Variants in RASSF2 observed in about 807,000 individuals in gnomAD.
The protein encoded by RASSF2 is Ras association domain family member 2.
Under a neutral mutation model 46.3 loss-of-function variants are expected in RASSF2, and 34 were observed. The observed-to-expected ratio is 0.73, with a 90% confidence interval of 0.56 to 0.98. RASSF2 has a LOEUF of 0.98. RASSF2 is among the 50% of genes least tolerant of loss of function. RASSF2 has a pLI of 0.00. For synonymous variants in RASSF2, 158 were observed against 162.5 expected (o/e 0.97, Z 0.21); for missense variants, 364 against 431.2 (o/e 0.84, Z 1.38).
In RASSF2 at chr20:4,789,697, T is replaced by A; in HGVS notation, c.538A>T (p.Thr180Ser). Reference protein sequence around the residue: ...SINGHFYNHKTSVFTPAYGSV... With the variant: ...SINGHFYNHKSSVFTPAYGSV... ...CCATAGGCTGGTGTGAACACGGATG[T>A]CTGTCAATAGAAGGGCCCAGCTCAG... The change falls in exon 8 of 12, where the codon ACA becomes TCA. Residue 180 changes from threonine to serine, a missense_variant and splice_region_variant. Physicochemically the swap from Thr to Ser is moderately conservative, Grantham distance 58. Transcript: ENST00000379400. 6.2e-7 allele frequency: 1 copy of A among 1,613,662 alleles called. No individual in the cohort carries two copies. The highest frequency in any genetic ancestry group is 2.2e-5 in the East Asian group (1 of 44,886).
intron 2 of RASSF2, among the ~76,000 whole-genome samples, chr20:4,803,383 A>C (rs1927056640): frequency 6.6e-6 from 1 of 152,108 alleles, no homozygotes; most frequent in Non-Finnish European, 1.5e-5. Context: ...CCAGAAAAGA[A>C]CACATCCCTG....
rs370683780 is a variant in RASSF2, at chr20:4,795,681, G to A, written c.287+134C>T. 4 of 1,088,508 alleles carry A rather than the reference G, an allele frequency of 3.7e-6. No homozygotes were observed. Among genetic ancestry groups the A allele is most frequent in the Non-Finnish European group, 3.9e-6 (3 of 771,820 alleles). The allele number at this position is 1,088,508 out of a possible 1,614,324, so 67.4% of individuals were successfully genotyped here. A position where few individuals can be genotyped will look rare whatever the true frequency, so the allele number is the denominator to read the frequency against. ...TGTTCCTCATTCCAAGGCTAAGGCA[G>A]GTGGGCAGTAGAGGTAGTAGGAGGA... On this transcript the variant is annotated intron_variant, in intron 5 of 11. Transcript: ENST00000379400. This position sits in a 1 kb window ranked among gnomAD's most constrained non-coding sequence, Gnocchi z 4.0.
At chr20:4,810,549 A>G (rs959327288) in intron 2 of RASSF2, among the ~76,000 whole-genome samples, 5 of 152,144 alleles carry the variant, frequency 3.3e-5, no homozygotes, top group Non-Finnish European at 5.9e-5. Flanking sequence ...GGCTCGCCCT[A>G]CGTGGTTTCA....
At chr20:4,797,176 CA>C (rs1926421614) in intron 4 of RASSF2, among the ~76,000 whole-genome samples, 1 of 152,232 alleles carries the variant, frequency 6.6e-6, no homozygotes, top group East Asian at 1.9e-4. Context: ...TTCCTTTACA[CA>C]ATTGTAGGTC....
In RASSF2 at chr20:4,780,529, CTT is replaced by C. The variant is rs1035064166; in HGVS notation, c.*3742_*3743del. 8 of 152,344 alleles carry C rather than the reference CTT, an allele frequency of 5.3e-5. No individual in the cohort carries two copies. The highest frequency in any genetic ancestry group is 1.9e-4 in the African/African-American group (8 of 41,574). The allele number at this position is 152,344 out of a possible 1,614,324, so 9.4% of individuals were successfully genotyped here. ...CTCATCTCATCTGAGCGAAGCAAGA[CTT>C]TGTGCAAAACGATTTAAGTGGAAAC... On this transcript the variant is annotated 3_prime_UTR_variant, in exon 12 of 12. Coordinates refer to ENST00000379400, the MANE Select transcript of RASSF2 (RefSeq NM_014737.3).
In RASSF2 at chr20:4,787,700, C is replaced by A; in HGVS notation, c.746G>T (p.Gly249Val). ...DYPLIARILQ[G>V]PCEQISKVFL... ...CACTTTGGAGATCTGCTCACATGGG[C>A]CCTGGAGGATTCGGGCAATCAGCGG... Residue 249 changes from glycine (G) to valine (V), a missense_variant, in exon 10 of 12, where the codon GGC becomes GTC. Gly to Val is a moderately radical substitution (Grantham distance 109). Coordinates refer to ENST00000379400, the MANE Select transcript of RASSF2 (RefSeq NM_014737.3). 1 of 1,614,136 alleles carries A rather than the reference C, an allele frequency of 6.2e-7. No homozygotes were observed. The highest frequency in any genetic ancestry group is 8.5e-7 in the Non-Finnish European group (1 of 1,180,028).
At chr20:4,791,731 C>T (rs781541736) in intron 6 of RASSF2, among the ~76,000 whole-genome samples, 4 of 152,136 alleles carry the variant, frequency 2.6e-5, no homozygotes, top group Non-Finnish European at 5.9e-5. Context: ...ATAAGGCCGC[C>T]GACTGCAAAC....
At chr20:4,784,977 A>G (rs1174538179) in intron 11 of RASSF2, among the ~76,000 whole-genome samples, 1 of 152,132 alleles carries the variant, frequency 6.6e-6, no homozygotes, top group African/African-American at 2.4e-5. Flanking sequence ...CCTTATGTTC[A>G]GGGATTTGTG....
chr20:4,794,639 G>T (rs1271799478), intron 5 of RASSF2, among the ~76,000 whole-genome samples: 1 of 152,144 alleles, frequency 6.6e-6, no homozygotes, highest in Non-Finnish European at 1.5e-5. Context: ...AGCCTAGGAG[G>T]TTGAGGCTGC....
At chr20:4,814,035 C>T (rs996120088) in intron 2 of RASSF2, among the ~76,000 whole-genome samples, 1 of 152,122 alleles carries the variant, frequency 6.6e-6, no homozygotes, top group Non-Finnish European at 1.5e-5. Flanking sequence ...ACACTGGCCC[C>T]AATAAAGCAA....
At chr20:4,788,574 C>G (rs956659898) in intron 8 of RASSF2, among the ~76,000 whole-genome samples, 1 of 152,214 alleles carries the variant, frequency 6.6e-6, no homozygotes, top group Non-Finnish European at 1.5e-5. Flanking sequence ...TACTTCACAC[C>G]TAGGCCATAT....
At chr20:4,802,183 C>T (rs6116519) in intron 2 of RASSF2, among the ~76,000 whole-genome samples, 4,009 of 152,148 alleles carry the variant, frequency 0.026, 139 homozygotes, top group African/African-American at 0.089. Context: ...TCGATCCCCC[C>T]GCCTCAGCCT....
At chr20:4,794,735 A>G (rs1384875317) in intron 5 of RASSF2, among the ~76,000 whole-genome samples, 1 of 152,174 alleles carries the variant, frequency 6.6e-6, no homozygotes, top group Non-Finnish European at 1.5e-5. Context: ...AAATATGGTG[A>G]TAGTGCTGAA....
chr20:4,816,248 G>A (rs1928297091), intron 2 of RASSF2, among the ~76,000 whole-genome samples: 1 of 152,152 alleles, frequency 6.6e-6, no homozygotes, highest in Non-Finnish European at 1.5e-5. Flanking sequence ...GGAAGCTGCA[G>A]TCAGCCATGA....
rs1925069024 is a variant in RASSF2, at chr20:4,784,100, T to C, written c.*173A>G. ...AAAAAGGAGGGCAGGGGTCCAGGGA[T>C]AGGGAGCTGTCTGCTGACTTCTACA... On this transcript the variant is annotated 3_prime_UTR_variant, in exon 12 of 12. Transcript: ENST00000379400. 2 of 652,796 alleles carry C rather than the reference T, an allele frequency of 3.1e-6. No individual in the cohort carries two copies. Among genetic ancestry groups the C allele is most frequent in the Non-Finnish European group, 5.4e-6 (2 of 367,064 alleles). 40.4% of individuals were successfully genotyped at this position (652,796 alleles called of 1,614,324 possible).
At chr20:4,786,518 G>T (rs115258053) in intron 10 of RASSF2, among the ~76,000 whole-genome samples, 190 bp from the exon 11 acceptor site, 4 of 152,134 alleles carry the variant, frequency 2.6e-5, no homozygotes, top group Middle Eastern at 3.2e-3. Flanking sequence ...TGATCGCTTC[G>T]CTTACGTGAC....
chr20:4,785,364 A>G (rs2422981), intron 11 of RASSF2, among the ~76,000 whole-genome samples: 84,479 of 151,696 alleles, frequency 0.56, 23,522 homozygotes, highest in Non-Finnish European at 0.58. Flanking sequence ...AACAACAACA[A>G]CAACAAAAAC....
In RASSF2 at chr20:4,787,635, C is replaced by G. The variant is rs189107203; in HGVS notation, c.811G>C (p.Asp271His). 9 of 1,614,164 alleles carry G rather than the reference C, an allele frequency of 5.6e-6. No homozygotes were observed. The highest frequency in any genetic ancestry group is 6.8e-6 in the Non-Finnish European group (8 of 1,180,030). Reference protein sequence around the residue: ...EKDQVEEVTYDVAQYIKFEMP... With the variant: ...EKDQVEEVTYHVAQYIKFEMP... ...CGCCTGACCCAAAGGGAACTCACGT[C>G]GTAGGTGACTTCCTCCACCTGGTCC... Residue 271 changes from aspartate to histidine, a missense_variant and splice_region_variant, in exon 10 of 12, where the codon GAC becomes CAC. Coordinates refer to ENST00000379400, the MANE Select transcript of RASSF2 (RefSeq NM_014737.3).
intron 2 of RASSF2, among the ~76,000 whole-genome samples, chr20:4,805,825 G>T (rs1465770453): frequency 1.3e-5 from 2 of 152,182 alleles, no homozygotes; most frequent in African/African-American, 2.4e-5. Flanking sequence ...GAAACGTGGG[G>T]TGACAGGCAG....
Sources: gnomAD v4.1 joint callset for allele counts (sites outside exome capture counted in the v4.1 genomes callset) on GRCh38, gnomAD v4.1.1 for gene constraint, Gnocchi (gnomAD v3.1) non-coding constraint, MANE v1.5 for transcripts, NCBI Gene and HGNC (gene_info 2026-07-23, HGNC 2026-07-21) for gene names.